The following HTR4 variants were observed in gnomAD, a reference collection of about 807,000 sequenced individuals.
The protein encoded by HTR4 is 5-hydroxytryptamine (serotonin) receptor 4, G protein-coupled.
HTR4 carries 16 observed loss-of-function variants against 36.8 expected under a neutral mutation model. That is an observed-to-expected ratio of 0.43 (90% confidence interval 0.29 to 0.66). The LOEUF (loss-of-function observed/expected upper bound fraction) is 0.66. HTR4 is among the 30% of genes least tolerant of loss of function. The pLI is 0.13. For synonymous variants in HTR4, 189 were observed against 185.1 expected (o/e 1.02, Z -0.17); for missense variants, 438 against 490.9 (o/e 0.89, Z 1.02).
At chr5:148,458,095 T>TTTTAATATATATTAAATATATA (rs1392130740) in intron 5 of HTR4, among the ~76,000 whole-genome samples, 2 of 53,774 alleles carry the variant, frequency 3.7e-5, no homozygotes, top group African/African-American at 9.5e-5. Context: ...ATATATTATA[T>TTTTAATATATATTAAATATATA]TTTAATATCT....
At chr5:148,550,582 C>T (rs1484613255) in intron 2 of HTR4, among the ~76,000 whole-genome samples, 1 of 152,128 alleles carries the variant, frequency 6.6e-6, no homozygotes, top group African/African-American at 2.4e-5. Flanking sequence ...GTTTTGTGCA[C>T]CTACTCAACT....
intron 6 of HTR4, among the ~76,000 whole-genome samples, chr5:148,497,634 G>C (rs1384348863): frequency 6.6e-6 from 1 of 152,154 alleles, no homozygotes; most frequent in Non-Finnish European, 1.5e-5. Flanking sequence ...GTTTCCTAGA[G>C]TGGGAAAAGT....
chr5:148,584,280 A>G (rs1356535102), intron 2 of HTR4, among the ~76,000 whole-genome samples: 1 of 152,078 alleles, frequency 6.6e-6, no homozygotes, highest in African/African-American at 2.4e-5. Flanking sequence ...CTTTCCCCCA[A>G]AAAAGGATTT....
rs114248361 is a variant in HTR4 at position 148,598,895 on chromosome 5, C to T, written c.26+38094G>A. 4.8e-3 allele frequency among the ~76,000 whole-genome samples: 735 copies of T among 151,782 alleles called. 6 individuals carry two copies. Among genetic ancestry groups the T allele is most frequent in the Non-Finnish European group, 7.5e-3 (509 of 67,912 alleles). ...TAGTTAACATGTTCAAGAAAATAGA[C>T]GATAAGATGGACAGAATTTCACAAG... On this transcript the variant is annotated intron_variant, in intron 2 of 6. Coordinates refer to ENST00000377888, the MANE Select transcript of HTR4 (RefSeq NM_000870.7).
At chr5:148,588,281 C>A (rs1761423182) in intron 2 of HTR4, among the ~76,000 whole-genome samples, 1 of 152,142 alleles carries the variant, frequency 6.6e-6, no homozygotes, top group South Asian at 2.1e-4. Flanking sequence ...ATTTCTAATT[C>A]TGAAATGTTC....
intron 2 of HTR4, among the ~76,000 whole-genome samples, chr5:148,608,196 T>C (rs1331593674): frequency 2.0e-5 from 3 of 152,222 alleles, no homozygotes; most frequent in African/African-American, 7.2e-5. Flanking sequence ...ACTCAACAAA[T>C]ATTTATTGAG....
At chr5:148,594,240 G>A (rs1761682246) in intron 2 of HTR4, among the ~76,000 whole-genome samples, 2 of 152,174 alleles carry the variant, frequency 1.3e-5, no homozygotes, top group South Asian at 4.1e-4. Flanking sequence ...TGTCTTAAGT[G>A]AGTTCTTAAA....
intron 2 of HTR4, among the ~76,000 whole-genome samples, chr5:148,572,956 A>G (rs1760734145): frequency 1.3e-5 from 2 of 152,142 alleles, no homozygotes; most frequent in Admixed American, 6.6e-5. Flanking sequence ...ACTAAAACAT[A>G]TCTAGACAAT....
rs186876075 is a variant in HTR4, at chr5:148,569,630, T to C, written c.27-19368A>G. 1.3e-3 allele frequency among the ~76,000 whole-genome samples: 203 copies of C among 151,800 alleles called. 1 individual carries two copies. The highest frequency in any genetic ancestry group is 4.7e-3 in the African/African-American group (197 of 41,504). ...ATTTTATTGTACAGAAGTTGTGCTATACTTACAATAAAATAATATAATGTA... is the reference window on the plus strand; with the variant it reads ...ATTTTATTGTACAGAAGTTGTGCTACACTTACAATAAAATAATATAATGTA... On this transcript the variant is annotated intron_variant, in intron 2 of 6. Coordinates refer to ENST00000377888, the MANE Select transcript of HTR4 (RefSeq NM_000870.7).
intron 4 of HTR4, among the ~76,000 whole-genome samples, chr5:148,540,424 ATATATATATATATATATATATATAATCT>A (rs1227811866): frequency 2.2e-5 from 3 of 135,306 alleles, no homozygotes; most frequent in African/African-American, 8.3e-5. Context: ...ATATATATAT[ATATATATATATATATATATATATAATCT>A]TATATATAAT....
downstream of HTR4, among the ~76,000 whole-genome samples, chr5:148,476,211 A>G (rs1328205996): frequency 9.2e-5 from 14 of 152,272 alleles, no homozygotes; most frequent in Admixed American, 2.0e-4. Flanking sequence ...CATTTGCTCT[A>G]TGTTGTCTCA....
At chr5:148,529,685 A>G (rs1013725744) in intron 4 of HTR4, among the ~76,000 whole-genome samples, 3 of 152,250 alleles carry the variant, frequency 2.0e-5, no homozygotes, top group Admixed American at 2.0e-4. Flanking sequence ...GAAAATGTGG[A>G]AGTGACTTTG....
chr5:148,481,333 T>C (rs1755872396), downstream of HTR4: 1 of 545,498 alleles, frequency 1.8e-6, no homozygotes, highest in Non-Finnish European at 3.2e-6. Context: ...TTAAATAAAC[T>C]TTCTTCATAT....
intron 2 of HTR4, among the ~76,000 whole-genome samples, chr5:148,603,713 T>C (rs1752018943): frequency 1.3e-5 from 2 of 152,078 alleles, no homozygotes; most frequent in Non-Finnish European, 2.9e-5. Flanking sequence ...ATTAATTTTA[T>C]TTTGACATAA....
chr5:148,472,943 T>TTG (rs998793091), downstream of HTR4, among the ~76,000 whole-genome samples: 3 of 152,198 alleles, frequency 2.0e-5, no homozygotes, highest in South Asian at 6.2e-4. Flanking sequence ...GTATTTATTG[T>TTG]TGTGTGTGTA....
chr5:148,606,660 A>G (rs1752175094), intron 2 of HTR4, among the ~76,000 whole-genome samples: 1 of 152,204 alleles, frequency 6.6e-6, no homozygotes, highest in South Asian at 2.1e-4. Flanking sequence ...AGAATCATAC[A>G]TATTCAACTC....
chr5:148,520,575 G>A (rs1757963513), intron 5 of HTR4, among the ~76,000 whole-genome samples: 1 of 152,126 alleles, frequency 6.6e-6, no homozygotes, highest in East Asian at 1.9e-4. Context: ...AATGACTTTA[G>A]TGAATAATCT....
intron 2 of HTR4, among the ~76,000 whole-genome samples, chr5:148,589,883 T>C (rs1761491695): frequency 6.6e-6 from 1 of 152,188 alleles, no homozygotes; most frequent in Non-Finnish European, 1.5e-5. Context: ...TTCAGCAATT[T>C]TTAAGTATAC....
At chr5:148,483,353 C>T (rs2113719305) in intron 6 of HTR4, 60 bp from the exon 7 acceptor site, 2 of 1,456,986 alleles carry the variant, frequency 1.4e-6, no homozygotes, top group Non-Finnish European at 1.9e-6. Flanking sequence ...AGATCATCTC[C>T]TGAAAGAGCC....
Sources: gnomAD v4.1 joint callset for allele counts (sites outside exome capture counted in the v4.1 genomes callset) on GRCh38, gnomAD v4.1.1 for gene constraint, MANE v1.5 for transcripts, NCBI Gene and HGNC (gene_info 2026-07-23, HGNC 2026-07-21) for gene names.